SPATA17: variants seen among roughly 807,000 people sequenced by gnomAD.
The protein encoded by SPATA17 is spermatogenesis-associated protein 17.
SPATA17 carries 53 observed loss-of-function variants against 62.2 expected under a neutral mutation model. The observed-to-expected ratio is 0.85, with a 90% CI of 0.68 to 1.07. The LOEUF is 1.07. Among genes scored for constraint, SPATA17 ranks in the 50% least tolerant of loss-of-function variants. The pLI is 0.00. For missense variants in SPATA17, 466 were observed against 425.5 expected, an observed-to-expected ratio of 1.10 and a Z score of -0.84; for synonymous variants, 146 against 146.8, an observed-to-expected ratio of 0.99 and a Z score of 0.04.
chr1:217,844,936 T>G (rs1457868047), intron 9 of SPATA17, among the ~76,000 whole-genome samples: 1 of 152,168 alleles, frequency 6.6e-6, no homozygotes, highest in Non-Finnish European at 1.5e-5. Context: ...TTCTAAAGTA[T>G]GATGTTCATC....
chr1:217,713,114 T>C (rs1671918746), intron 5 of SPATA17, among the ~76,000 whole-genome samples: 1 of 152,196 alleles, frequency 6.6e-6, no homozygotes, highest in African/African-American at 2.4e-5. Flanking sequence ...AGAGTTCATC[T>C]TTCTCGGTCA....
At chr1:217,646,075 G>A (rs1208082096) in intron 1 of SPATA17, among the ~76,000 whole-genome samples, 1 of 151,974 alleles carries the variant, frequency 6.6e-6, no homozygotes, top group Non-Finnish European at 1.5e-5. Flanking sequence ...TGATAATCAG[G>A]GAGTCTAGAA....
chr1:217,833,351 G>T (rs1675189463), intron 9 of SPATA17, among the ~76,000 whole-genome samples: 1 of 152,126 alleles, frequency 6.6e-6, no homozygotes, highest in South Asian at 2.1e-4. Flanking sequence ...CTCTCATATT[G>T]AAACTTACAT....
chr1:217,634,100 A>G (rs796674295), intron 1 of SPATA17, among the ~76,000 whole-genome samples: 2 of 152,358 alleles, frequency 1.3e-5, no homozygotes, highest in African/African-American at 4.8e-5. Context: ...CAGCCCATCA[A>G]AGAGACTGAA....
At chr1:217,636,902 T>C (rs1669954712) in intron 1 of SPATA17, among the ~76,000 whole-genome samples, 1 of 152,200 alleles carries the variant, frequency 6.6e-6, no homozygotes. Context: ...TTAAAACACA[T>C]AAGTTTTTTA....
intron 5 of SPATA17, among the ~76,000 whole-genome samples, chr1:217,688,741 C>T (rs1440021999): frequency 1.3e-5 from 2 of 152,064 alleles, no homozygotes; most frequent in African/African-American, 2.4e-5. Context: ...TCTGCATGCC[C>T]GGAGACTCTC....
chr1:217,808,621 A>T (rs985422131), intron 9 of SPATA17, among the ~76,000 whole-genome samples: 3 of 152,244 alleles, frequency 2.0e-5, no homozygotes, highest in Non-Finnish European at 2.9e-5. Flanking sequence ...TGGGAGGCCG[A>T]GGTGGGCAGA....
chr1:217,660,364 C>T (rs1319035867), intron 3 of SPATA17, among the ~76,000 whole-genome samples: 1 of 152,240 alleles, frequency 6.6e-6, no homozygotes, highest in South Asian at 2.1e-4. Flanking sequence ...AATTATATCT[C>T]AAAAATATCC....
chr1:217,634,831 C>T (rs1046896603), intron 1 of SPATA17, among the ~76,000 whole-genome samples: 5 of 152,196 alleles, frequency 3.3e-5, no homozygotes, highest in African/African-American at 1.2e-4. Flanking sequence ...GGTCAGATCT[C>T]TTTCACTGTC....
At chr1:217,832,116 C>T (rs1675156572) in intron 9 of SPATA17, among the ~76,000 whole-genome samples, 1 of 152,054 alleles carries the variant, frequency 6.6e-6, no homozygotes, top group Non-Finnish European at 1.5e-5. Flanking sequence ...ATTTAATATA[C>T]ATAAATAATG....
chr1:217,775,985 T>C (rs1220605832), intron 7 of SPATA17, among the ~76,000 whole-genome samples: 2 of 152,158 alleles, frequency 1.3e-5, no homozygotes, highest in South Asian at 2.1e-4. Context: ...TTGCTGGGAA[T>C]ACATGTATTA....
At chr1:217,645,302 C>A (rs1033703001) in intron 1 of SPATA17, among the ~76,000 whole-genome samples, 1 of 151,926 alleles carries the variant, frequency 6.6e-6, no homozygotes, top group Non-Finnish European at 1.5e-5. Context: ...AAACATAAAC[C>A]CAAAACAGTT....
intron 5 of SPATA17, among the ~76,000 whole-genome samples, chr1:217,718,915 A>C (rs771489533): frequency 6.6e-6 from 1 of 152,220 alleles, no homozygotes; most frequent in Non-Finnish European, 1.5e-5. Context: ...AGCATCTAAG[A>C]CCATAAATTC....
intron 5 of SPATA17, among the ~76,000 whole-genome samples, chr1:217,717,691 A>T (rs1295874152): frequency 1.3e-5 from 2 of 152,138 alleles, no homozygotes; most frequent in Non-Finnish European, 2.9e-5. Context: ...TGTGATGCAG[A>T]TCATTATCAT....
intron 5 of SPATA17, among the ~76,000 whole-genome samples, chr1:217,705,895 T>A (rs1469760526): frequency 6.6e-6 from 1 of 152,190 alleles, no homozygotes; most frequent in Non-Finnish European, 1.5e-5. Context: ...CTTGAGTTGA[T>A]TTTTATGTAT....
At chr1:217,759,009 C>A (rs1259907620) in intron 6 of SPATA17, among the ~76,000 whole-genome samples, 1 of 152,054 alleles carries the variant, frequency 6.6e-6, no homozygotes, top group East Asian at 1.9e-4. Context: ...GATGGGTTGC[C>A]ATCTGTATAT....
intron 4 of SPATA17, among the ~76,000 whole-genome samples, chr1:217,675,113 C>G (rs2102900675): frequency 6.6e-6 from 1 of 152,214 alleles, no homozygotes; most frequent in Middle Eastern, 3.4e-3. Flanking sequence ...TCTGCCAAGG[C>G]ATTTGTCTGA....
At chr1:217,805,239 C>T (rs1181387208) in intron 9 of SPATA17, among the ~76,000 whole-genome samples, 1 of 152,176 alleles carries the variant, frequency 6.6e-6, no homozygotes, top group East Asian at 1.9e-4. Flanking sequence ...ATAACATGGA[C>T]AACCCTGGAG....
At chr1:217,631,868 A>G (rs75516793) in intron 1 of SPATA17, among the ~76,000 whole-genome samples, 9 of 152,142 alleles carry the variant, frequency 5.9e-5, no homozygotes, top group Non-Finnish European at 1.3e-4. Context: ...CAATTGTTCT[A>G]TGACTCATTC....
Sources: allele counts gnomAD v4.1 joint callset (sites outside exome capture counted in the v4.1 genomes callset), GRCh38; gene constraint gnomAD v4.1.1; transcripts MANE v1.5; gene names NCBI Gene and HGNC (gene_info 2026-07-23, HGNC 2026-07-21).